The following NKAIN2 variants were observed in gnomAD, a reference collection of about 807,000 sequenced individuals.
The protein encoded by NKAIN2 is sodium/potassium-transporting ATPase subunit beta-1-interacting protein 2.
A neutral mutation model predicts 32.6 loss-of-function variants in NKAIN2; 14 were observed. That is an observed-to-expected ratio of 0.43 (90% CI 0.28 to 0.67). The LOEUF (loss-of-function observed/expected upper bound fraction) is 0.67, where lower values mean the gene tolerates loss of function less well. Ranked by LOEUF, NKAIN2 falls within the 30% of genes least tolerant of loss-of-function variation. The pLI is 0.17. For missense variants in NKAIN2, 198 were observed against 258.3 expected (o/e 0.77, Z 1.60); for synonymous variants, 80 against 87.2 (o/e 0.92, Z 0.46).
intron 2 of NKAIN2, among the ~76,000 whole-genome samples, chr6:124,354,388 A>T (rs62434728): frequency 0.024 from 3,628 of 152,294 alleles, 85 homozygotes; most frequent in Non-Finnish European, 0.034. Context: ...AATGATCAGA[A>T]CTATGTCTTA....
At chr6:124,769,624 C>T (rs926529189) in intron 4 of NKAIN2, among the ~76,000 whole-genome samples, 5 of 152,150 alleles carry the variant, frequency 3.3e-5, no homozygotes, top group African/African-American at 4.8e-5. Context: ...TCAAGCAATG[C>T]ACCTAAACGA....
intron 1 of NKAIN2, among the ~76,000 whole-genome samples, chr6:124,138,746 G>A (rs893380517): frequency 2.8e-5 from 4 of 144,734 alleles, no homozygotes; most frequent in Non-Finnish European, 5.9e-5. Flanking sequence ...TGATGGAACA[G>A]TGTTCAGCCA....
At chr6:123,860,123 C>A (rs1775724816) in intron 1 of NKAIN2, among the ~76,000 whole-genome samples, 2 of 152,122 alleles carry the variant, frequency 1.3e-5, no homozygotes, top group South Asian at 4.1e-4. Flanking sequence ...GCACTGAAAA[C>A]ACATCTACTC....
intron 3 of NKAIN2, among the ~76,000 whole-genome samples, chr6:124,549,249 T>A (rs1189307085): frequency 2.6e-5 from 4 of 152,084 alleles, no homozygotes; most frequent in Non-Finnish European, 5.9e-5. Flanking sequence ...GTGCCTGTAA[T>A]CCCAGCTACT....
chr6:124,748,556 AT>A (rs1271112097), intron 4 of NKAIN2, among the ~76,000 whole-genome samples: 1 of 151,844 alleles, frequency 6.6e-6, no homozygotes, highest in Non-Finnish European at 1.5e-5. Flanking sequence ...GATAACAAAG[AT>A]TTTTTTTACA....
At chr6:124,644,508 G>A (rs1207156500) in intron 3 of NKAIN2, among the ~76,000 whole-genome samples, 3 of 151,748 alleles carry the variant, frequency 2.0e-5, no homozygotes, top group African/African-American at 4.8e-5. Flanking sequence ...GGGTTCAAGC[G>A]ATTCTCCTGC....
intron 3 of NKAIN2, among the ~76,000 whole-genome samples, chr6:124,464,132 C>T (rs997800542): frequency 4.6e-5 from 7 of 152,028 alleles, no homozygotes; most frequent in African/African-American, 1.7e-4. Flanking sequence ...GAATTACAGG[C>T]CTGTGCCACC....
At chr6:124,574,634 A>T (rs1437093670) in intron 3 of NKAIN2, among the ~76,000 whole-genome samples, 4 of 152,086 alleles carry the variant, frequency 2.6e-5, no homozygotes. Context: ...AAAAAACAAA[A>T]ACAACAATGA....
At chr6:124,448,988 C>G (rs1775998837) in intron 3 of NKAIN2, among the ~76,000 whole-genome samples, 1 of 152,022 alleles carries the variant, frequency 6.6e-6, no homozygotes, top group Non-Finnish European at 1.5e-5. Context: ...AATTAAATAA[C>G]ATCATAAGTA....
intron 1 of NKAIN2, among the ~76,000 whole-genome samples, chr6:124,238,175 G>A (rs902363671): frequency 1.3e-5 from 2 of 151,802 alleles, no homozygotes; most frequent in African/African-American, 2.4e-5. Context: ...AGCCAGGGGG[G>A]AAGAAAAACA....
intron 4 of NKAIN2, among the ~76,000 whole-genome samples, chr6:124,767,306 C>G (rs1004669292): frequency 5.3e-5 from 8 of 149,632 alleles, no homozygotes; most frequent in Non-Finnish European, 1.0e-4. Context: ...ATTAATTTTC[C>G]CTGAAAGTTG....
chr6:123,922,556 C>T (rs1182044428), intron 1 of NKAIN2, among the ~76,000 whole-genome samples: 1 of 151,986 alleles, frequency 6.6e-6, no homozygotes, highest in Non-Finnish European at 1.5e-5. Flanking sequence ...CTAGCATTTC[C>T]CTGTATATAG....
At chr6:124,654,490 C>A (rs1411539178) in intron 3 of NKAIN2, among the ~76,000 whole-genome samples, 1 of 151,992 alleles carries the variant, frequency 6.6e-6, no homozygotes, top group Admixed American at 6.6e-5. Context: ...AACTGACCCT[C>A]TGGAGAAATG....
At chr6:124,640,096 G>A (rs953122194) in intron 3 of NKAIN2, among the ~76,000 whole-genome samples, 4 of 151,918 alleles carry the variant, frequency 2.6e-5, no homozygotes, top group Admixed American at 6.6e-5. Flanking sequence ...CAATTACTAC[G>A]TGTCAACCGA....
chr6:124,580,052 A>G (rs1273134343), intron 3 of NKAIN2, among the ~76,000 whole-genome samples: 1 of 152,242 alleles, frequency 6.6e-6, no homozygotes, highest in African/African-American at 2.4e-5. Flanking sequence ...GAGGGACTTC[A>G]TCAACACCAG....
intron 3 of NKAIN2, among the ~76,000 whole-genome samples, chr6:124,581,369 G>T (rs1414132518): frequency 1.4e-5 from 2 of 145,748 alleles, no homozygotes; most frequent in Non-Finnish European, 3.0e-5. Flanking sequence ...AACCCGGGAA[G>T]CGGAGCTTGC....
At chr6:123,958,387 G>C (rs868575054) in intron 1 of NKAIN2, among the ~76,000 whole-genome samples, 2 of 152,210 alleles carry the variant, frequency 1.3e-5, no homozygotes, top group Non-Finnish European at 2.9e-5. Flanking sequence ...TGTCTGCTCC[G>C]TCACCTCTGT....
In NKAIN2 at chr6:123,877,078, TATA is replaced by T. The variant is rs1174699785; in HGVS notation, c.54+72829_54+72831del. Among the ~76,000 whole-genome samples, 4 of 152,202 alleles carry T rather than the reference TATA, an allele frequency of 2.6e-5. 1 individual carries two copies. The highest frequency in any genetic ancestry group is 5.9e-5 in the Non-Finnish European group (4 of 68,040). The stretch of plus-strand genomic sequence containing the variant: ...CTGTTGGCTAAAATTTCTAGAAAAT[TATA>T]ATAACAATTAGAAATGTGTTTTTCT... On this transcript the variant is annotated intron_variant, in intron 1 of 6. Coordinates refer to ENST00000368417, the MANE Select transcript of NKAIN2 (RefSeq NM_001040214.3).
intron 3 of NKAIN2, among the ~76,000 whole-genome samples, chr6:124,631,846 G>C (rs1783582574): frequency 6.6e-6 from 1 of 151,972 alleles, no homozygotes; most frequent in Non-Finnish European, 1.5e-5. Flanking sequence ...AACTACCCCG[G>C]ACACAGAGTC....
Sources: gnomAD v4.1 joint callset for allele counts (sites outside exome capture counted in the v4.1 genomes callset) on GRCh38, gnomAD v4.1.1 for gene constraint, MANE v1.5 for transcripts, NCBI Gene and HGNC (gene_info 2026-07-23, HGNC 2026-07-21) for gene names.